The following WWC2 variants were observed in gnomAD, a reference collection of about 807,000 sequenced individuals.
The protein encoded by WWC2 is WW and C2 domain containing 2, also known as protein WWC2.
A neutral mutation model predicts 138.5 loss-of-function variants in WWC2; 101 were observed. The ratio of observed to expected loss-of-function variants is 0.73; its 90% CI spans 0.62 to 0.86. The LOEUF is 0.86. Among genes scored for constraint, WWC2 ranks in the 40% least tolerant of loss-of-function variants. The pLI, the probability that WWC2 is intolerant of heterozygous loss-of-function variation, is 0.00. For missense variants in WWC2, 1,420 were observed against 1,419.4 expected (o/e 1.00, Z -0.01); for synonymous variants, 558 against 538.4 (o/e 1.04, Z -0.50).
intron 21 of WWC2, among the ~76,000 whole-genome samples, chr4:183,295,274 C>T (rs976395127): frequency 3.3e-5 from 5 of 152,204 alleles, no homozygotes; most frequent in African/African-American, 1.2e-4. Context: ...ATGTTCCATC[C>T]AACCTTGGAG....
chr4:183,270,979 A>T (rs750782098), intron 15 of WWC2, 101 bp from the exon 16 acceptor site: 20 of 1,100,438 alleles, frequency 1.8e-5, no homozygotes, highest in Non-Finnish European at 2.4e-5. Flanking sequence ...CCCTAAAACA[A>T]GCTCATTCAA....
intron 1 of WWC2, among the ~76,000 whole-genome samples, chr4:183,108,100 GTA>G (rs1292099935): frequency 6.6e-6 from 1 of 152,084 alleles, no homozygotes; most frequent in African/African-American, 2.4e-5. Context: ...TATGTGCAAT[GTA>G]TATACATCAG....
chr4:183,205,949 G>T (rs1174627809), intron 2 of WWC2, among the ~76,000 whole-genome samples: 1 of 152,070 alleles, frequency 6.6e-6, no homozygotes, highest in Non-Finnish European at 1.5e-5. Context: ...TGTGACCCCT[G>T]TGCAAATTTC....
At chr4:183,188,367 A>G (rs1734876729) in intron 1 of WWC2, among the ~76,000 whole-genome samples, 2 of 151,984 alleles carry the variant, frequency 1.3e-5, no homozygotes, top group Admixed American at 6.6e-5. Flanking sequence ...CCTCCCGAGT[A>G]GCTGGGATTA....
chr4:183,200,903 G>A (rs1048292303), intron 2 of WWC2, among the ~76,000 whole-genome samples: 1 of 152,156 alleles, frequency 6.6e-6, no homozygotes, highest in African/African-American at 2.4e-5. Flanking sequence ...CAGATCTAGC[G>A]CATACTCAAG....
intron 9 of WWC2, among the ~76,000 whole-genome samples, chr4:183,255,735 A>G (rs1737113995): frequency 6.6e-6 from 1 of 152,198 alleles, no homozygotes; most frequent in African/African-American, 2.4e-5. Flanking sequence ...CTTCCAAAAA[A>G]TGACTCATGA....
At chr4:183,130,072 T>TTTTTG (rs1732875922) in intron 1 of WWC2, among the ~76,000 whole-genome samples, 1 of 151,592 alleles carries the variant, frequency 6.6e-6, no homozygotes, top group Non-Finnish European at 1.5e-5. Context: ...TTTTTTTTTT[T>TTTTTG]GAGACAGTCT....
In WWC2 at chr4:183,289,551, G is replaced by A. The variant is rs1353973129; in HGVS notation, c.3300G>A (p.Leu1100=). The A allele has an allele frequency of 3.1e-6, 5 of 1,613,882 alleles. No individual in the cohort carries two copies. The highest frequency in any genetic ancestry group is 4.2e-6 in the Non-Finnish European group (5 of 1,179,906). The part of the protein sequence containing the change: ...LRDLRQKLEE[L]KAQGETDLPP... ...ACTTGCGGCAGAAGCTGGAGGAACT[G>A]AAAGCTCAGGGAGAGACTGACCTTC... The change falls in exon 21 of 23, where the codon CTG becomes CTA. Residue 1100 remains leucine, a synonymous_variant. Transcript: ENST00000403733.
intron 1 of WWC2, among the ~76,000 whole-genome samples, chr4:183,113,134 G>A (rs1039714073): frequency 2.0e-5 from 3 of 151,852 alleles, no homozygotes; most frequent in East Asian, 2.0e-4. Flanking sequence ...TTAGCCAGGC[G>A]TGGGGTGCAT....
intron 1 of WWC2, among the ~76,000 whole-genome samples, chr4:183,119,457 G>A (rs1288043469): frequency 6.6e-6 from 1 of 152,088 alleles, no homozygotes; most frequent in African/African-American, 2.4e-5. Context: ...TGAAGCACTT[G>A]TCCTTTACAC....
intron 1 of WWC2, among the ~76,000 whole-genome samples, chr4:183,174,570 A>G (rs1038471942): frequency 6.6e-6 from 1 of 152,122 alleles, no homozygotes; most frequent in African/African-American, 2.4e-5. Flanking sequence ...TATTTTCTAG[A>G]GGGAATGTAG....
chr4:183,195,798 C>T (rs1735125208), intron 2 of WWC2, among the ~76,000 whole-genome samples: 1 of 152,206 alleles, frequency 6.6e-6, no homozygotes, highest in African/African-American at 2.4e-5. Context: ...AAGAACTCCA[C>T]TTCCTCCATT....
rs116601334 is a variant in WWC2, at chr4:183,295,229, A to G, written c.3384+5594A>G. Among the ~76,000 whole-genome samples, 138 of 152,308 alleles carry G rather than the reference A, an allele frequency of 9.1e-4. 1 individual carries two copies. Among genetic ancestry groups the G allele is most frequent in the African/African-American group, 3.1e-3 (129 of 41,564 alleles). ...AACTCCCTAGGGAAGCAGCGAGGCT[A>G]CTTTTTTTCCTTTGGTATTCCACTG... is the stretch of plus-strand genomic sequence containing the variant. On this transcript the variant is annotated intron_variant, in intron 21 of 22. Transcript: ENST00000403733.
intron 2 of WWC2, among the ~76,000 whole-genome samples, chr4:183,195,680 A>C (rs1027786412): frequency 6.6e-6 from 1 of 151,958 alleles, no homozygotes; most frequent in Non-Finnish European, 1.5e-5. Flanking sequence ...ATGGCATTAA[A>C]CTCCCTTTCG....
intron 8 of WWC2, among the ~76,000 whole-genome samples, chr4:183,250,235 G>A (rs998491414): frequency 6.7e-5 from 9 of 134,462 alleles, no homozygotes; most frequent in Non-Finnish European, 1.4e-4. Context: ...AAATGAACTT[G>A]CCCCCTTCTC....
At position 183,312,468 on chromosome 4, in the gene WWC2, G is replaced by C; in HGVS notation, c.3512G>C (p.Arg1171Thr). The part of the protein sequence containing the change: ...QKVPRQVQSF[R>T]EKIAYFTRAK... The stretch of plus-strand genomic sequence containing the variant: ...GTGCCTCGGCAGGTGCAGTCCTTCA[G>C]GTGAATAGCCCCATCCAGGACAGCT... The change falls in exon 22 of 23, where the codon AGG (arginine) becomes ACG (threonine). Residue 1171 changes from arginine (R) to threonine (T), a missense_variant and splice_region_variant. Coordinates refer to ENST00000403733, the MANE Select transcript of WWC2 (RefSeq NM_024949.6). 2.5e-6 allele frequency: 4 copies of C among 1,613,516 alleles called. No individual in the cohort carries two copies. Among genetic ancestry groups the C allele is most frequent in the Non-Finnish European group, 3.4e-6 (4 of 1,179,604 alleles).
At chr4:183,299,287 T>C (rs1011023495) in intron 21 of WWC2, among the ~76,000 whole-genome samples, 6 of 152,128 alleles carry the variant, frequency 3.9e-5, no homozygotes, top group African/African-American at 9.7e-5. Flanking sequence ...ACAATGGCAA[T>C]TGAATTTCAG....
At chr4:183,243,330 T>C (rs190520989) in intron 5 of WWC2, among the ~76,000 whole-genome samples, 1 of 152,350 alleles carries the variant, frequency 6.6e-6, no homozygotes, top group East Asian at 1.9e-4. Flanking sequence ...TTACTACCTA[T>C]TTTATGAAAC....
At chr4:183,215,638 G>A (rs1735733577) in intron 4 of WWC2, among the ~76,000 whole-genome samples, 1 of 152,104 alleles carries the variant, frequency 6.6e-6, no homozygotes, top group South Asian at 2.1e-4. Flanking sequence ...ATTTTATAAT[G>A]TTTTATTTCT....
Sources: allele counts gnomAD v4.1 joint callset (sites outside exome capture counted in the v4.1 genomes callset), GRCh38; gene constraint gnomAD v4.1.1; transcripts MANE v1.5; gene names NCBI Gene and HGNC (gene_info 2026-07-23, HGNC 2026-07-21).